The following CPNE5 variants were observed in gnomAD, a reference collection of about 807,000 sequenced individuals.
CPNE5 encodes copine-5.
CPNE5 carries 42 observed loss-of-function variants against 81.1 expected under a neutral mutation model. The ratio of observed to expected loss-of-function variants is 0.52; its 90% CI spans 0.40 to 0.67. CPNE5 has a LOEUF of 0.67. CPNE5 is among the 30% of genes least tolerant of loss of function. The probability of loss-of-function intolerance (pLI) is 0.00; values close to 1 mark genes in which losing one functional copy is unlikely to be tolerated. For missense variants in CPNE5, 612 were observed against 815.5 expected, an observed-to-expected ratio of 0.75 and a Z score of 3.04; for synonymous variants, 313 against 321.5, an observed-to-expected ratio of 0.97 and a Z score of 0.28.
At chr6:36,806,092 G>C (rs1206024389) in intron 3 of CPNE5, among the ~76,000 whole-genome samples, 2 of 152,100 alleles carry the variant, frequency 1.3e-5, no homozygotes, top group African/African-American at 4.8e-5. Context: ...TCCAACTATT[G>C]GGCCAGGAGG....
chr6:36,776,883 C>T (rs78908599), intron 9 of CPNE5, among the ~76,000 whole-genome samples: 69 of 152,290 alleles, frequency 4.5e-4, no homozygotes, highest in African/African-American at 1.6e-3. Flanking sequence ...GCCTTCCACT[C>T]CTTTCCCGGC....
Position 36,825,584 on chromosome 6 carries a change from C to G in CPNE5, c.96-2486G>C, listed in dbSNP as rs903269669. Reference sequence around the variant, plus strand: ...TTTCGGAAACCATCTGATAAACCTCCCAGCCCTCCACAGAGAGCATCAGAT... The same window carrying G: ...TTTCGGAAACCATCTGATAAACCTCGCAGCCCTCCACAGAGAGCATCAGAT... On this transcript the variant is annotated intron_variant, in intron 1 of 20. Coordinates refer to ENST00000244751, the MANE Select transcript of CPNE5 (RefSeq NM_020939.2). Among the ~76,000 whole-genome samples, 6 of 152,318 alleles carry G rather than the reference C, an allele frequency of 3.9e-5. No homozygotes were observed. The East Asian group carries it at 1.2e-3, about 29-fold the overall frequency.
At chr6:36,789,376 C>T (rs1768887472) in intron 8 of CPNE5, among the ~76,000 whole-genome samples, 1 of 152,142 alleles carries the variant, frequency 6.6e-6, no homozygotes, top group Admixed American at 6.5e-5. Flanking sequence ...GAATGCTAGA[C>T]CAGTAACGGC....
At chr6:36,826,016 A>C (rs1008913752) in intron 1 of CPNE5, among the ~76,000 whole-genome samples, 2 of 152,358 alleles carry the variant, frequency 1.3e-5, no homozygotes, top group East Asian at 3.9e-4. Flanking sequence ...GAGACTCGGA[A>C]GGACAACGCT....
chr6:36,807,422 A>T (rs567241068), intron 3 of CPNE5, among the ~76,000 whole-genome samples: 9 of 152,282 alleles, frequency 5.9e-5, no homozygotes, highest in South Asian at 4.1e-4. Flanking sequence ...TGATTTACAT[A>T]ATATACTTAG....
intron 8 of CPNE5, among the ~76,000 whole-genome samples, chr6:36,781,870 G>C (rs1349169378): frequency 2.0e-5 from 3 of 152,174 alleles, no homozygotes; most frequent in African/African-American, 7.2e-5. Flanking sequence ...GTGACCCGCA[G>C]TGGCATCAGA....
intron 8 of CPNE5, among the ~76,000 whole-genome samples, chr6:36,781,214 C>T (rs774734432): frequency 2.0e-5 from 3 of 152,086 alleles, no homozygotes; most frequent in African/African-American, 7.2e-5. Flanking sequence ...CATCATCGCC[C>T]ACCAGACAGG....
intron 15 of CPNE5, among the ~76,000 whole-genome samples, chr6:36,747,052 G>A (rs538753066): frequency 2.2e-4 from 34 of 151,860 alleles, no homozygotes; most frequent in Non-Finnish European, 4.3e-4. Flanking sequence ...CCAGCCCCTC[G>A]CCATTCCCAC....
At chr6:36,772,044 G>T (rs747780466) in intron 10 of CPNE5, among the ~76,000 whole-genome samples, 5 of 152,128 alleles carry the variant, frequency 3.3e-5, no homozygotes, top group Non-Finnish European at 7.4e-5. Flanking sequence ...CAACGGCCCA[G>T]TGGTGAAGCC....
Position 36,839,226 on chromosome 6 carries a change from C to T in CPNE5, c.95+57G>A, listed in dbSNP as rs968699563. The T allele has an allele frequency of 1.2e-5, 16 of 1,316,596 alleles. No homozygotes were observed. Among genetic ancestry groups the T allele is most frequent in the Middle Eastern group, 2.3e-4 (1 of 4,384 alleles). 81.6% of individuals were successfully genotyped at this position (1,316,596 alleles called of 1,614,324 possible). ...AGGTTTAGGATCGAAGCGGCAGGGG[C>T]CGCGGGGCTCTGCGTCCAGGGCCGG... On this transcript the variant is annotated intron_variant, in intron 1 of 20. Transcript: ENST00000244751. The surrounding 1 kb of genome is among the most constrained non-coding windows in gnomAD (Gnocchi z 7.3).
At position 36,766,995 on chromosome 6, in the gene CPNE5, C is replaced by T. The variant is rs1474169106; in HGVS notation, c.738-1619G>A. Among the ~76,000 whole-genome samples, 4 of 152,154 alleles carry T rather than the reference C, an allele frequency of 2.6e-5. No individual in the cohort carries two copies. The highest frequency in any genetic ancestry group is 9.7e-5 in the African/African-American group (4 of 41,424). ...TCACCCTCCCAAGTGTCTGGGATTACAGGCATGAGCCACCACACCTGGCTA... is the reference window on the plus strand; with the variant it reads ...TCACCCTCCCAAGTGTCTGGGATTATAGGCATGAGCCACCACACCTGGCTA... On this transcript the variant is annotated intron_variant, in intron 10 of 20. Transcript: ENST00000244751. This position sits in a 1 kb window ranked among gnomAD's most constrained non-coding sequence, Gnocchi z 4.2.
chr6:36,828,422 T>A (rs1429724046), intron 1 of CPNE5, among the ~76,000 whole-genome samples: 4 of 135,650 alleles, frequency 2.9e-5, no homozygotes, highest in African/African-American at 1.1e-4. Context: ...ACATAGCCTC[T>A]GCCTCAGGGA....
intron 9 of CPNE5, among the ~76,000 whole-genome samples, chr6:36,777,726 C>G (rs1193716801): frequency 8.9e-5 from 13 of 145,916 alleles, no homozygotes. Flanking sequence ...AACTGAAACA[C>G]ACCTCCTCCT....
intron 1 of CPNE5, among the ~76,000 whole-genome samples, chr6:36,838,140 C>T (rs1773692655): frequency 6.6e-6 from 1 of 152,176 alleles, no homozygotes; most frequent in Non-Finnish European, 1.5e-5. Flanking sequence ...CGCCCCTGCC[C>T]AGACTCTCCA....
At chr6:36,754,399 G>A (rs752884443) in intron 13 of CPNE5, 29 of 152,304 alleles carry the variant, frequency 1.9e-4, no homozygotes, top group East Asian at 5.8e-4. Flanking sequence ...AGACCAGAGC[G>A]TCAGCATCAC....
rs946490771 is a variant in CPNE5, at chr6:36,746,386, G to A, written c.1200+10C>T. The A allele has an allele frequency of 7.5e-6, 12 of 1,604,578 alleles. No individual in the cohort carries two copies. The highest frequency in any genetic ancestry group is 1.9e-4 in the Middle Eastern group (1 of 5,356). Reference sequence around the variant, plus strand: ...GATCAGTCCTCTCTCCCACCAGCGGGACCACCTACCAGTGGGAACTCGTGG... The same window carrying A: ...GATCAGTCCTCTCTCCCACCAGCGGAACCACCTACCAGTGGGAACTCGTGG... On this transcript the variant is annotated intron_variant, in intron 16 of 20. Coordinates refer to ENST00000244751, the MANE Select transcript of CPNE5 (RefSeq NM_020939.2). The surrounding 1 kb of genome is among the most constrained non-coding windows in gnomAD (Gnocchi z 4.5).
intron 10 of CPNE5, among the ~76,000 whole-genome samples, chr6:36,767,162 A>G (rs1766634313): frequency 6.6e-6 from 1 of 152,204 alleles, no homozygotes; most frequent in Non-Finnish European, 1.5e-5. Context: ...GGCCTCTGAT[A>G]GTTTTTCGTA....
intron 20 of CPNE5, chr6:36,742,966 C>G: frequency 2.0e-6 from 2 of 985,426 alleles, no homozygotes; most frequent in Non-Finnish European, 2.4e-6. Flanking sequence ...GGGGTGCCCT[C>G]CATCCTGAGC....
chr6:36,759,432 A>C lies in CPNE5; in HGVS notation c.856-3134T>G, dbSNP rs183909296. On this transcript the variant is annotated intron_variant, in intron 12 of 20. Transcript: ENST00000244751. The stretch of plus-strand genomic sequence containing the variant: ...CAGGCGGGGACAGGACAGGTCTGGA[A>C]TCTGCCCTCCTGCGCACATTAGGTG... 3.6e-3 allele frequency among the ~76,000 whole-genome samples: 530 copies of C among 149,204 alleles called. 6 individuals are homozygous for C. The highest frequency in any genetic ancestry group is 0.013 in the African/African-American group (519 of 40,198).
Sources: allele counts gnomAD v4.1 joint callset (sites outside exome capture counted in the v4.1 genomes callset), GRCh38; gene constraint gnomAD v4.1.1; non-coding constraint Gnocchi (gnomAD v3.1); transcripts MANE v1.5; gene names NCBI Gene and HGNC (gene_info 2026-07-23, HGNC 2026-07-21).